The following MEGF10 variants were observed in gnomAD, a reference collection of about 807,000 sequenced individuals.
MEGF10 encodes the protein multiple EGF like domains 10, also known as multiple epidermal growth factor-like domains protein 10.
Under a neutral mutation model 147.5 loss-of-function variants are expected in MEGF10, and 86 were observed. The ratio of observed to expected loss-of-function variants is 0.58; its 90% CI spans 0.49 to 0.70. The LOEUF (loss-of-function observed/expected upper bound fraction) is 0.70. Among genes scored for constraint, MEGF10 ranks in the 30% least tolerant of loss-of-function variants. MEGF10 has a pLI of 0.00. For synonymous variants in MEGF10, 478 were observed against 525.5 expected (o/e 0.91, Z 1.24); for missense variants, 1,329 against 1,487.3 (o/e 0.89, Z 1.75).
chr5:127,398,135 T>A (rs1225010599), intron 6 of MEGF10, among the ~76,000 whole-genome samples: 1 of 151,894 alleles, frequency 6.6e-6, no homozygotes, highest in Admixed American at 6.6e-5. Context: ...AAAACCTAGA[T>A]GACAGGTTGA....
At chr5:127,449,043 G>C in intron 21 of MEGF10, 56 bp from the exon 22 acceptor site, 1 of 1,603,184 alleles carries the variant, frequency 6.2e-7, no homozygotes, top group Non-Finnish European at 8.5e-7. Context: ...CCATAACGCT[G>C]TGCTGTGCCG....
chr5:127,376,906 G>A (rs1763053921), intron 5 of MEGF10, among the ~76,000 whole-genome samples: 1 of 152,168 alleles, frequency 6.6e-6, no homozygotes, highest in Admixed American at 6.5e-5. Flanking sequence ...GTGGTATGGG[G>A]CTAACGGAAG....
At chr5:127,434,880 T>C in intron 15 of MEGF10, 59 bp downstream of exon 15, 1 of 1,555,802 alleles carries the variant, frequency 6.4e-7, no homozygotes, top group Non-Finnish European at 8.7e-7. Flanking sequence ...GGAGAGTCTG[T>C]CCTCAGGCCT....
chr5:127,256,831 AT>A, the MEGF10 span, among the ~76,000 whole-genome samples: 32 of 152,170 alleles, frequency 2.1e-4, no homozygotes, highest in African/African-American at 6.5e-4. Context: ...CTCACTGAAA[AT>A]AAACTGATGA....
the MEGF10 span, among the ~76,000 whole-genome samples, chr5:127,242,422 A>G: frequency 6.6e-6 from 1 of 152,366 alleles, no homozygotes; most frequent in African/African-American, 2.4e-5. Flanking sequence ...AGGGATTTAT[A>G]CATTCAAATC....
At position 127,457,085 on chromosome 5, in the gene MEGF10, C is replaced by T. The variant is rs369762179; in HGVS notation, c.3233-43C>T. 3.3e-6 allele frequency: 5 copies of T among 1,508,274 alleles called. No individual in the cohort carries two copies. In the African/African-American group the frequency reaches 5.6e-5, roughly 17 times the overall value. 93.4% of individuals were successfully genotyped at this position (1,508,274 alleles called of 1,614,324 possible). A position where few individuals can be genotyped will look rare whatever the true frequency, so the allele number is the denominator to read the frequency against. ...AGAAATGCCATATTCTTTTTAAAAA[C>T]ATTTCCTTTGCTGATAAATTAATAT... On this transcript the variant is annotated intron_variant, in intron 24 of 24. Transcript: ENST00000503335.
intron 8 of MEGF10, among the ~76,000 whole-genome samples, chr5:127,409,187 C>A (rs1236165706): frequency 6.6e-6 from 1 of 152,202 alleles, no homozygotes; most frequent in African/African-American, 2.4e-5. Context: ...TGTGGAAACA[C>A]TATTTCTTTG....
At chr5:127,391,573 T>TAA (rs1346677209) in intron 5 of MEGF10, among the ~76,000 whole-genome samples, 6 of 113,752 alleles carry the variant, frequency 5.3e-5, no homozygotes, top group African/African-American at 1.5e-4. Flanking sequence ...CTGTCTAAAA[T>TAA]AAAAAAAAAA....
chr5:127,382,743 C>G (rs1763304338), intron 5 of MEGF10, among the ~76,000 whole-genome samples: 1 of 152,100 alleles, frequency 6.6e-6, no homozygotes. Flanking sequence ...AGAACCCCCA[C>G]AAATTAATAA....
chr5:127,431,964 AT>A (rs1414194722), intron 13 of MEGF10, among the ~76,000 whole-genome samples: 5 of 152,202 alleles, frequency 3.3e-5, no homozygotes, highest in South Asian at 2.1e-4. Flanking sequence ...TGAAAAAAAA[AT>A]AATATATTTA....
chr5:127,298,304 C>T (rs1258199653), intron 1 of MEGF10, among the ~76,000 whole-genome samples: 1 of 152,156 alleles, frequency 6.6e-6, no homozygotes, highest in Non-Finnish European at 1.5e-5. Flanking sequence ...TCATCTGAAG[C>T]CCTCATCGTT....
At chr5:127,409,636 T>C (rs1326009253) in intron 8 of MEGF10, 1 of 152,380 alleles carries the variant, frequency 6.6e-6, no homozygotes, top group Non-Finnish European at 1.5e-5. Flanking sequence ...AAAAAGATAA[T>C]GAAGTGAATT....
chr5:127,246,800 A>G, the MEGF10 span, among the ~76,000 whole-genome samples: 30 of 141,170 alleles, frequency 2.1e-4, no homozygotes, highest in South Asian at 6.2e-3. Context: ...TATAATATTT[A>G]TAAATATTTA....
chr5:127,423,688 A>G lies in MEGF10; in HGVS notation c.1693+916A>G, dbSNP rs188801409. On this transcript the variant is annotated intron_variant, in intron 13 of 24. Coordinates refer to ENST00000503335, the MANE Select transcript of MEGF10 (RefSeq NM_001256545.2). ...ATTGGTCATCTCTATTATCTTCTTT[A>G]TATAAATCCCTGCTCAGACTCTTTG... is the stretch of plus-strand genomic sequence containing the variant. Among the ~76,000 whole-genome samples, 60 of 152,212 alleles carry G rather than the reference A, an allele frequency of 3.9e-4. 1 individual carries two copies. In the East Asian group the frequency reaches 0.011, roughly 28 times the overall value.
At chr5:127,424,380 TG>T in intron 13 of MEGF10, 1 of 758,636 alleles carries the variant, frequency 1.3e-6, no homozygotes, top group Non-Finnish European at 2.3e-6. Flanking sequence ...TCCATGTGAA[TG>T]GTAACATCAA....
upstream of MEGF10, among the ~76,000 whole-genome samples, chr5:127,286,084 T>C (rs1167242255): frequency 6.6e-6 from 1 of 152,102 alleles, no homozygotes; most frequent in Admixed American, 6.6e-5. Flanking sequence ...TTTTCACTCA[T>C]ATGTGGGAGC....
chr5:127,275,957 T>C, the MEGF10 span, among the ~76,000 whole-genome samples: 10 of 152,228 alleles, frequency 6.6e-5, no homozygotes, highest in African/African-American at 2.2e-4. Context: ...TATGACATCA[T>C]CTAATCTAGC....
intron 1 of MEGF10, among the ~76,000 whole-genome samples, chr5:127,295,440 T>A (rs1759450295): frequency 6.6e-6 from 1 of 152,160 alleles, no homozygotes; most frequent in Non-Finnish European, 1.5e-5. Context: ...TACCTTTGTC[T>A]TACTTAGTTT....
intron 5 of MEGF10, among the ~76,000 whole-genome samples, chr5:127,377,240 T>C (rs1410541794): frequency 6.6e-6 from 1 of 152,262 alleles, no homozygotes; most frequent in African/African-American, 2.4e-5. Flanking sequence ...TTTGTATGAA[T>C]AGCAGTAACA....
Sources: gnomAD v4.1 joint callset for allele counts (sites outside exome capture counted in the v4.1 genomes callset) on GRCh38, gnomAD v4.1.1 for gene constraint, MANE v1.5 for transcripts, NCBI Gene and HGNC (gene_info 2026-07-23, HGNC 2026-07-21) for gene names.